The following C10orf53 variants were observed in gnomAD, a reference collection of about 807,000 sequenced individuals.
C10orf53 encodes chromosome 10 open reading frame 53.
C10orf53 carries 8 observed loss-of-function variants against 9.4 expected under a neutral mutation model. That is an observed-to-expected ratio of 0.85 (90% CI 0.50 to 1.53). The LOEUF (loss-of-function observed/expected upper bound fraction) is 1.53, where lower values mean the gene tolerates loss of function less well. C10orf53 is among the 40% of genes most tolerant of loss of function. The pLI, the probability that C10orf53 is intolerant of heterozygous loss-of-function variation, is 0.00. For synonymous variants in C10orf53, 48 were observed against 46.0 expected, an observed-to-expected ratio of 1.04 and a Z score of -0.18; for missense variants, 117 against 117.8, an observed-to-expected ratio of 0.99 and a Z score of 0.03.
rs552669433 is a variant in C10orf53 at position 49,695,860 on chromosome 10, G to A, written c.*1258G>A. On this transcript the variant is annotated 3_prime_UTR_variant, in exon 3 of 3. Coordinates refer to ENST00000374111, the MANE Select transcript of C10orf53 (RefSeq NM_001042427.3). ...TTCTTCCTCCCAGTGTCTGGTGCTGGTTTTCACATATCTTTTGTAACCCTA... is the reference window on the plus strand; with the variant it reads ...TTCTTCCTCCCAGTGTCTGGTGCTGATTTTCACATATCTTTTGTAACCCTA... 13 of 152,216 alleles carry A rather than the reference G, an allele frequency of 8.5e-5. No individual in the cohort carries two copies. In the East Asian group the frequency reaches 2.5e-3, roughly 29 times the overall value. 9.4% of individuals were successfully genotyped at this position (152,216 alleles called of 1,614,324 possible).
At chr10:49,682,974 G>A (rs892171533) in intron 1 of C10orf53, among the ~76,000 whole-genome samples, 1 of 152,166 alleles carries the variant, frequency 6.6e-6, no homozygotes, top group Admixed American at 6.5e-5. Flanking sequence ...CTGTTTATCT[G>A]TTGATAGACA....
intron 2 of C10orf53, among the ~76,000 whole-genome samples, chr10:49,705,665 A>G (rs1840717822): frequency 6.6e-6 from 1 of 152,212 alleles, no homozygotes; most frequent in Non-Finnish European, 1.5e-5. Flanking sequence ...AGCCAAAATT[A>G]TAAAACTCTT....
chr10:49,679,681 G>A lies in C10orf53; in HGVS notation c.-17G>A, dbSNP rs1433127880. 6.5e-7 allele frequency: 1 copy of A among 1,544,800 alleles called. No homozygotes were observed. The highest frequency in any genetic ancestry group is 8.7e-7 in the Non-Finnish European group (1 of 1,144,598). On this transcript the variant is annotated 5_prime_UTR_variant, in exon 1 of 3. Transcript: ENST00000374111. ...CGTGTGTTTCTCCCTTGCCTCTGCGGCGGCGGAGGCCTGGCGATGCCCAAG... is the reference window on the plus strand; with the variant it reads ...CGTGTGTTTCTCCCTTGCCTCTGCGACGGCGGAGGCCTGGCGATGCCCAAG...
intron 2 of C10orf53, among the ~76,000 whole-genome samples, chr10:49,704,282 T>C (rs779367506): frequency 1.5e-4 from 23 of 152,120 alleles, no homozygotes; most frequent in Non-Finnish European, 2.5e-4. Flanking sequence ...ACTCATATCC[T>C]TAACCTACAG....
chr10:49,692,081 G>A (rs1840590538), intron 1 of C10orf53, among the ~76,000 whole-genome samples: 1 of 152,296 alleles, frequency 6.6e-6, no homozygotes, highest in South Asian at 2.1e-4. Context: ...TCTGCCCATG[G>A]ACTGCCTTTA....
chr10:49,688,592 C>T (rs1392096588), intron 1 of C10orf53, among the ~76,000 whole-genome samples: 1 of 151,464 alleles, frequency 6.6e-6, no homozygotes, highest in Non-Finnish European at 1.5e-5. Context: ...GCTCACATGG[C>T]CCTCTAGGCT....
At chr10:49,690,776 G>A (rs992675396) in intron 1 of C10orf53, among the ~76,000 whole-genome samples, 1 of 152,206 alleles carries the variant, frequency 6.6e-6, no homozygotes, top group African/African-American at 2.4e-5. Flanking sequence ...GAGACACTCT[G>A]TGTGGCATTC....
At chr10:49,690,469 C>T (rs781250939) in intron 1 of C10orf53, among the ~76,000 whole-genome samples, 6 of 152,152 alleles carry the variant, frequency 3.9e-5, no homozygotes, top group Non-Finnish European at 8.8e-5. Flanking sequence ...TATCATTTCC[C>T]GAAGCCCTGC....
rs531006927 is a variant in C10orf53, at chr10:49,693,875, A to AT, written c.201dup (p.Lys68Ter). 3.5e-4 allele frequency: 571 copies of AT among 1,614,148 alleles called. No homozygotes were observed. The highest frequency in any genetic ancestry group is 4.7e-4 in the Non-Finnish European group (555 of 1,180,050). On this transcript the variant is annotated frameshift_variant, in exon 2 of 3. Transcript: ENST00000374111. LOFTEE classifies it high-confidence loss of function. ...TGAAGAAGTCATCTTCCACTGCAAC[A>AT]TTAAGGACTTGGAGTTCGGTAAGCC...
chr10:49,709,506 C>T (rs1232703721), exon 3 of C10orf53: 1 of 152,392 alleles, frequency 6.6e-6, no homozygotes, highest in Non-Finnish European at 1.5e-5. Flanking sequence ...GCCTGCTTCT[C>T]CAGCCTTCTA....
Position 49,684,309 on chromosome 10 carries a change from G to GT in C10orf53, c.97+4521dup, listed in dbSNP as rs1214229882. 1.1e-4 allele frequency among the ~76,000 whole-genome samples: 16 copies of GT among 152,262 alleles called. No individual in the cohort carries two copies. The South Asian group carries it at 3.1e-3, about 30-fold the overall frequency. On this transcript the variant is annotated intron_variant, in intron 1 of 2. Coordinates refer to ENST00000374111, the MANE Select transcript of C10orf53 (RefSeq NM_001042427.3). ...CAGGAAATGTGAGTCTTCCAACTTAGTTTTTTCTCAAGATTGTTTTATCTA... is the reference window on the plus strand; with the variant it reads ...CAGGAAATGTGAGTCTTCCAACTTAGTTTTTTTCTCAAGATTGTTTTATCTA...
Position 49,679,717 on chromosome 10 carries a change from T to A in C10orf53, c.20T>A (p.Val7Asp). The A allele has an allele frequency of 6.5e-7, 1 of 1,548,156 alleles. No individual in the cohort carries two copies. Among genetic ancestry groups the A allele is most frequent in the Non-Finnish European group, 8.7e-7 (1 of 1,145,884 alleles). The change falls in exon 1 of 3, where the codon GTC (valine) becomes GAC (aspartate). Residue 7 changes from valine to aspartate, a missense_variant. Transcript: ENST00000374111. ...CTGGCGATGCCCAAGAACGCAGTGG[T>A]CATCCTGCGCTATGGGCCCTACAGC... MPKNAV[V>D]ILRYGPYSAA...
chr10:49,703,487 C>T (rs759534554), intron 2 of C10orf53, among the ~76,000 whole-genome samples: 3 of 152,172 alleles, frequency 2.0e-5, no homozygotes, highest in Non-Finnish European at 2.9e-5. Flanking sequence ...CAAGCAGCAG[C>T]GTTCTGCTAA....
downstream of C10orf53, among the ~76,000 whole-genome samples, chr10:49,702,286 G>A (rs978281786): frequency 6.6e-6 from 1 of 151,986 alleles, no homozygotes; most frequent in East Asian, 1.9e-4. Context: ...GGGAAGTTGG[G>A]GTGGTTAATT....
chr10:49,694,841 G>T lies in C10orf53; in HGVS notation c.*239G>T. The T allele has an allele frequency of 7.5e-7, 1 of 1,341,062 alleles. No homozygotes were observed. The allele number at this position is 1,341,062 out of a possible 1,614,324, so 83.1% of individuals were successfully genotyped here. ...ACATGTCTCAATCTCAACCCATAGGGAGAGCCCTCCAATATCAGGTACACA... is the reference window on the plus strand; with the variant it reads ...ACATGTCTCAATCTCAACCCATAGGTAGAGCCCTCCAATATCAGGTACACA... On this transcript the variant is annotated 3_prime_UTR_variant, in exon 3 of 3. Transcript: ENST00000374111.
At chr10:49,706,820 C>G (rs1247288757) in intron 2 of C10orf53, among the ~76,000 whole-genome samples, 2 of 152,170 alleles carry the variant, frequency 1.3e-5, no homozygotes, top group African/African-American at 4.8e-5. Flanking sequence ...GTGTTTACAT[C>G]TATTGTATGT....
downstream of C10orf53, among the ~76,000 whole-genome samples, chr10:49,702,174 G>T (rs1418935978): frequency 6.9e-6 from 1 of 144,472 alleles, no homozygotes; most frequent in Non-Finnish European, 1.5e-5. Flanking sequence ...TCCAGCCTGG[G>T]CAACAGCGTG....
At chr10:49,701,865 A>G (rs1006995676), downstream of C10orf53, among the ~76,000 whole-genome samples, 1 of 152,194 alleles carries the variant, frequency 6.6e-6, no homozygotes, top group African/African-American at 2.4e-5. Context: ...GCTCTGGATA[A>G]GAAGGGTCAA....
Position 49,694,818 on chromosome 10 carries a change from A to G in C10orf53, c.*216A>G. 4 of 1,377,742 alleles carry G rather than the reference A, an allele frequency of 2.9e-6. No homozygotes were observed. Among genetic ancestry groups the G allele is most frequent in the Non-Finnish European group, 3.7e-6 (4 of 1,067,918 alleles). 85.3% of individuals were successfully genotyped at this position (1,377,742 alleles called of 1,614,324 possible). A position where few individuals can be genotyped will look rare whatever the true frequency, so the allele number is the denominator to read the frequency against. On this transcript the variant is annotated 3_prime_UTR_variant, in exon 3 of 3. Coordinates refer to ENST00000374111, the MANE Select transcript of C10orf53 (RefSeq NM_001042427.3). ...TAATAAAAACCACATCATTTATAACATGTCTCAATCTCAACCCATAGGGAG... is the reference window on the plus strand; with the variant it reads ...TAATAAAAACCACATCATTTATAACGTGTCTCAATCTCAACCCATAGGGAG...
Sources: gnomAD v4.1 joint callset for allele counts (sites outside exome capture counted in the v4.1 genomes callset) on GRCh38, gnomAD v4.1.1 for gene constraint, MANE v1.5 for transcripts, NCBI Gene and HGNC (gene_info 2026-07-23, HGNC 2026-07-21) for gene names.